SPAG16: variants seen among roughly 807,000 people sequenced by gnomAD.
The protein encoded by SPAG16 is sperm associated antigen 16.
A neutral mutation model predicts 80.4 loss-of-function variants in SPAG16; 86 were observed. The observed-to-expected ratio is 1.07, with a 90% CI of 0.90 to 1.28. The LOEUF (loss-of-function observed/expected upper bound fraction) is 1.28, where lower values mean the gene tolerates loss of function less well. Ranked by LOEUF, SPAG16 falls within the 50% of genes most tolerant of loss-of-function variation. The pLI, the probability that SPAG16 is intolerant of heterozygous loss-of-function variation, is 0.00. For missense variants in SPAG16, 870 were observed against 765.3 expected (o/e 1.14, Z -1.61); for synonymous variants, 294 against 265.9 (o/e 1.11, Z -1.03).
intron 12 of SPAG16, among the ~76,000 whole-genome samples, chr2:213,957,813 C>A (rs752654512): frequency 3.9e-5 from 6 of 152,096 alleles, no homozygotes; most frequent in Non-Finnish European, 7.3e-5. Flanking sequence ...AGTTATAGCA[C>A]TATAATTTGA....
chr2:214,193,691 C>G (rs553488745), intron 15 of SPAG16, among the ~76,000 whole-genome samples: 1 of 152,004 alleles, frequency 6.6e-6, no homozygotes. Flanking sequence ...AAGGGAGATA[C>G]TCACTAAATG....
At position 213,833,465 on chromosome 2, in the gene SPAG16, TTATATATAATA is replaced by T. The variant is rs2073815762; in HGVS notation, c.1071-29019_1071-29009del. Among the ~76,000 whole-genome samples the T allele has an allele frequency of 9.3e-4, 9 of 9,726 alleles. 3 individuals carry two copies. The South Asian group carries it at 0.015, about 17-fold the overall frequency. The allele number at this position is 9,726 out of a possible 152,430, so 6.4% of individuals were successfully genotyped here. The stretch of plus-strand genomic sequence containing the variant: ...TGTATATATATATATTATATATATA[TTATATATAATA>T]ATATATATATTATATATAATATATA... On this transcript the variant is annotated intron_variant, in intron 10 of 15. Transcript: ENST00000331683.
chr2:213,665,539 G>A (rs1374592250), intron 10 of SPAG16, among the ~76,000 whole-genome samples: 2 of 152,062 alleles, frequency 1.3e-5, no homozygotes, highest in Non-Finnish European at 2.9e-5. Flanking sequence ...TTGTTCAGAT[G>A]GTAGAGTTTC....
chr2:213,883,555 G>C (rs2076433117), intron 11 of SPAG16, among the ~76,000 whole-genome samples: 1 of 152,162 alleles, frequency 6.6e-6, no homozygotes, highest in Non-Finnish European at 1.5e-5. Context: ...TTTAAGGCCA[G>C]AGTTCCTTTG....
intron 10 of SPAG16, among the ~76,000 whole-genome samples, chr2:213,797,756 G>A (rs2071135938): frequency 1.3e-5 from 2 of 152,206 alleles, no homozygotes; most frequent in African/African-American, 4.8e-5. Flanking sequence ...CAGTTTGGGG[G>A]CATTGTGAAT....
At chr2:213,323,144 AAAACAC>A (rs2063694465) in intron 5 of SPAG16, among the ~76,000 whole-genome samples, 1 of 152,228 alleles carries the variant, frequency 6.6e-6, no homozygotes, top group South Asian at 2.1e-4. Flanking sequence ...TATTATTAGA[AAAACAC>A]AAACAATATG....
At chr2:213,842,616 G>C (rs1020128874) in intron 10 of SPAG16, among the ~76,000 whole-genome samples, 1 of 151,904 alleles carries the variant, frequency 6.6e-6, no homozygotes, top group Non-Finnish European at 1.5e-5. Flanking sequence ...TAGTTATTGT[G>C]GCTATCAGTG....
intron 10 of SPAG16, among the ~76,000 whole-genome samples, chr2:213,770,687 C>T (rs996625645): frequency 1.3e-5 from 2 of 152,134 alleles, no homozygotes; most frequent in Admixed American, 1.3e-4. Flanking sequence ...CTGTTCAGCT[C>T]CCACTTATAA....
At chr2:214,299,385 G>A (rs1434468956) in intron 15 of SPAG16, among the ~76,000 whole-genome samples, 1 of 151,502 alleles carries the variant, frequency 6.6e-6, no homozygotes, top group Non-Finnish European at 1.5e-5. Context: ...GAATAGCTGG[G>A]ACTATAGGTG....
intron 10 of SPAG16, among the ~76,000 whole-genome samples, chr2:213,676,093 G>T (rs1314020344): frequency 3.3e-5 from 5 of 150,282 alleles, no homozygotes; most frequent in African/African-American, 1.2e-4. Flanking sequence ...CCTTGAAGAG[G>T]TCCTTCACGT....
At chr2:213,377,752 G>C (rs76422052) in intron 9 of SPAG16, among the ~76,000 whole-genome samples, 1,955 of 152,144 alleles carry the variant, frequency 0.013, 23 homozygotes, top group Middle Eastern at 0.024. Flanking sequence ...GAATGGAAGA[G>C]TTGTTACTGG....
chr2:213,602,760 T>C (rs2061114393), intron 10 of SPAG16, among the ~76,000 whole-genome samples: 1 of 152,260 alleles, frequency 6.6e-6, no homozygotes, highest in Non-Finnish European at 1.5e-5. Context: ...TTGTATATTT[T>C]TCTCAAATGA....
At chr2:213,370,054 TC>T (rs1347422235) in intron 8 of SPAG16, among the ~76,000 whole-genome samples, 1 of 152,206 alleles carries the variant, frequency 6.6e-6, no homozygotes, top group African/African-American at 2.4e-5. Context: ...TGCGTATTCA[TC>T]CCTTCCTCCT....
intron 10 of SPAG16, among the ~76,000 whole-genome samples, chr2:213,757,823 G>C (rs2068426134): frequency 6.6e-6 from 1 of 152,010 alleles, no homozygotes; most frequent in Admixed American, 6.5e-5. Flanking sequence ...TCTTTGCTCT[G>C]ATTGCTGATT....
intron 10 of SPAG16, among the ~76,000 whole-genome samples, chr2:213,862,150 A>G (rs1389940686): frequency 2.0e-5 from 3 of 152,232 alleles, no homozygotes; most frequent in African/African-American, 7.2e-5. Flanking sequence ...ACATAAAAAT[A>G]CCATTGGCAT....
chr2:213,788,528 A>G (rs1011190278), intron 10 of SPAG16, among the ~76,000 whole-genome samples: 2 of 151,898 alleles, frequency 1.3e-5, no homozygotes, highest in African/African-American at 2.4e-5. Flanking sequence ...TTAATTAGAA[A>G]CACTAAGAAA....
chr2:213,377,899 ATATAT>A (rs1386458086), intron 9 of SPAG16, among the ~76,000 whole-genome samples: 2,259 of 17,800 alleles, frequency 0.13, 17 homozygotes, highest in Non-Finnish European at 0.17. Flanking sequence ...ATATATATAT[ATATAT>A]TTTTTTTTTT....
At chr2:214,103,223 G>A (rs1392077489) in intron 13 of SPAG16, among the ~76,000 whole-genome samples, 1 of 152,152 alleles carries the variant, frequency 6.6e-6, no homozygotes, top group Admixed American at 6.5e-5. Context: ...GGACCATCAG[G>A]AGATTGTCTC....
chr2:213,393,757 T>C lies in SPAG16; in HGVS notation c.942+18638T>C, dbSNP rs761472609. ...GAGCTCCTACTACTCTATATCTTTC[T>C]CTGTATTCATTATTGCCAGGGTTTT... On this transcript the variant is annotated intron_variant, in intron 9 of 15. Coordinates refer to ENST00000331683, the MANE Select transcript of SPAG16 (RefSeq NM_024532.5). 1.1e-4 allele frequency among the ~76,000 whole-genome samples: 17 copies of C among 152,140 alleles called. 1 individual carries two copies. Among genetic ancestry groups the C allele is most frequent in the Non-Finnish European group, 2.4e-4 (16 of 68,002 alleles).
Sources: allele counts gnomAD v4.1 joint callset (sites outside exome capture counted in the v4.1 genomes callset), GRCh38; gene constraint gnomAD v4.1.1; transcripts MANE v1.5; gene names NCBI Gene and HGNC (gene_info 2026-07-23, HGNC 2026-07-21).